The following ITGA8 variants were observed in gnomAD, a reference collection of about 807,000 sequenced individuals.
ITGA8 encodes the protein integrin subunit alpha 8, also known as integrin alpha-8.
In ITGA8, 91 loss-of-function variants were observed where a neutral mutation model predicts 142.3. The observed-to-expected ratio is 0.64, with a 90% confidence interval of 0.54 to 0.76. The LOEUF is 0.76. Among genes scored for constraint, ITGA8 ranks in the 30% least tolerant of loss-of-function variants. The pLI is 0.00. For missense variants in ITGA8, 1,406 were observed against 1,327.7 expected, an observed-to-expected ratio of 1.06 and a Z score of -0.92; for synonymous variants, 505 against 485.2, an observed-to-expected ratio of 1.04 and a Z score of -0.54.
intron 25 of ITGA8, among the ~76,000 whole-genome samples, chr10:15,563,918 C>CA (rs928341834): frequency 0.022 from 2,067 of 95,946 alleles, 23 homozygotes; most frequent in African/African-American, 0.058. Flanking sequence ...AGGCTGTCTC[C>CA]AAAAAAAAAA....
At chr10:15,606,188 A>G in intron 18 of ITGA8, 97 bp downstream of exon 18, 3 of 1,061,164 alleles carry the variant, frequency 2.8e-6, no homozygotes, top group South Asian at 3.9e-5. Flanking sequence ...ATGCAGAAGT[A>G]AAAATGAAAG....
At chr10:15,607,943 T>C in intron 16 of ITGA8, 112 bp from the exon 17 acceptor site, 2 of 901,738 alleles carry the variant, frequency 2.2e-6, no homozygotes, top group African/African-American at 3.3e-5. Flanking sequence ...TTTTTCATAG[T>C]TGAGACCAAG....
At chr10:15,546,666 T>C (rs1300851220) in intron 27 of ITGA8, among the ~76,000 whole-genome samples, 1 of 147,308 alleles carries the variant, frequency 6.8e-6, no homozygotes, top group African/African-American at 2.6e-5. Flanking sequence ...TGAGAAACTC[T>C]GCCTTAGGAG....
chr10:15,687,607 T>C (rs1162207388), intron 3 of ITGA8, among the ~76,000 whole-genome samples: 1 of 152,224 alleles, frequency 6.6e-6, no homozygotes, highest in Non-Finnish European at 1.5e-5. Flanking sequence ...CCCATTTTTC[T>C]GGTCAGATTT....
intron 8 of ITGA8, among the ~76,000 whole-genome samples, chr10:15,668,615 GGA>G: frequency 6.6e-6 from 1 of 151,820 alleles, no homozygotes; most frequent in South Asian, 2.1e-4. Flanking sequence ...TTCCTAGCCT[GGA>G]TGGTCTTTAC....
chr10:15,601,755 T>C (rs1458646843), intron 20 of ITGA8, among the ~76,000 whole-genome samples: 1 of 152,174 alleles, frequency 6.6e-6, no homozygotes, highest in Non-Finnish European at 1.5e-5. Flanking sequence ...AAAAGACGAA[T>C]GTTTTCAACA....
At chr10:15,532,433 A>G (rs1833326793) in intron 27 of ITGA8, among the ~76,000 whole-genome samples, 1 of 148,440 alleles carries the variant, frequency 6.7e-6, no homozygotes, top group Admixed American at 6.7e-5. Flanking sequence ...AAAAAAAAAA[A>G]AAAAAAAAAA....
At chr10:15,668,115 G>A (rs1212786864) in intron 8 of ITGA8, among the ~76,000 whole-genome samples, 1 of 152,104 alleles carries the variant, frequency 6.6e-6, no homozygotes, top group Non-Finnish European at 1.5e-5. Context: ...TGTTGACAGG[G>A]GGGTGTTAAA....
intron 26 of ITGA8, among the ~76,000 whole-genome samples, chr10:15,551,391 T>C (rs1429474927): frequency 1.3e-5 from 2 of 151,686 alleles, no homozygotes. Flanking sequence ...CAGGAGGGGA[T>C]GTTTTCGGGG....
At chr10:15,615,303 G>A (rs1157234504) in intron 14 of ITGA8, among the ~76,000 whole-genome samples, 1 of 152,158 alleles carries the variant, frequency 6.6e-6, no homozygotes, top group Non-Finnish European at 1.5e-5. Context: ...AACCTTAAGT[G>A]GGATATGGCT....
Position 15,713,777 on chromosome 10 carries a change from G to A in ITGA8, c.343+4989C>T, listed in dbSNP as rs746875429. Reference sequence around the variant, plus strand: ...CCAAAACAAAGGCTTCCGGTCTCCCGCAATTCCAACAAAAACCTTGTCATC... The same window carrying A: ...CCAAAACAAAGGCTTCCGGTCTCCCACAATTCCAACAAAAACCTTGTCATC... On this transcript the variant is annotated intron_variant, in intron 2 of 29. Coordinates refer to ENST00000378076, the MANE Select transcript of ITGA8 (RefSeq NM_003638.3). 3.3e-5 allele frequency among the ~76,000 whole-genome samples: 5 copies of A among 152,182 alleles called. No individual in the cohort carries two copies. In the East Asian group the frequency reaches 5.8e-4, roughly 18 times the overall value.
intron 9 of ITGA8, among the ~76,000 whole-genome samples, chr10:15,660,298 T>C (rs551123373): frequency 1.2e-4 from 18 of 152,182 alleles, no homozygotes; most frequent in Non-Finnish European, 2.1e-4. Context: ...TTTTTAATAA[T>C]TTATGAACAA....
chr10:15,517,017 T>TCTCGG lies in ITGA8; in HGVS notation c.*140_*141insCCGAG. 1.8e-6 allele frequency: 1 copy of TCTCGG among 560,654 alleles called. No homozygotes were observed. Among genetic ancestry groups the TCTCGG allele is most frequent in the East Asian group, 3.3e-5 (1 of 30,622 alleles). 34.7% of individuals were successfully genotyped at this position (560,654 alleles called of 1,614,324 possible). A position where few individuals can be genotyped will look rare whatever the true frequency, so the allele number is the denominator to read the frequency against. ...CAATTTCTCCAAAGTGCGGTGTAGA[T>TCTCGG]GAGGTGATGTTTCCAGGGTCCCCTC... On this transcript the variant is annotated 3_prime_UTR_variant, in exon 30 of 30. Coordinates refer to ENST00000378076, the MANE Select transcript of ITGA8 (RefSeq NM_003638.3).
chr10:15,550,824 T>G (rs1833781434), intron 26 of ITGA8, among the ~76,000 whole-genome samples: 1 of 150,284 alleles, frequency 6.7e-6, no homozygotes, highest in Non-Finnish European at 1.5e-5. Flanking sequence ...TTTAGAGGGA[T>G]GGGTAATATG....
rs537132428 is a variant in ITGA8, at chr10:15,593,911, A to G, written c.2212-1607T>C. ...GGTTGAAGTACAGTGGCACAATCTC[A>G]GCTCACTGCAACCTCCACCTCCCAG... On this transcript the variant is annotated intron_variant, in intron 21 of 29. Transcript: ENST00000378076. Among the ~76,000 whole-genome samples the G allele has an allele frequency of 4.0e-5, 6 of 148,626 alleles. No individual in the cohort carries two copies. The South Asian group carries it at 1.1e-3, about 26-fold the overall frequency.
chr10:15,697,926 A>G (rs1481038743), intron 2 of ITGA8, among the ~76,000 whole-genome samples: 2 of 152,116 alleles, frequency 1.3e-5, no homozygotes, highest in African/African-American at 4.8e-5. Flanking sequence ...TTTTATTTCA[A>G]TAGGTTTTAG....
rs1564339152 is a variant in ITGA8 at position 15,532,437 on chromosome 10, A to AAAGAAAAAG, written c.2881-1287_2881-1286insCTTTTTCTT. 7.3e-5 allele frequency among the ~76,000 whole-genome samples: 11 copies of AAAGAAAAAG among 149,748 alleles called. 1 individual carries two copies. The highest frequency in any genetic ancestry group is 2.7e-4 in the African/African-American group (11 of 40,770). ...CCCTCTCAAAAAAAAAAAAAAAAAAAAAAAAAAAAGCCTCTAGTTACAGCC... is the reference window on the plus strand; with the variant it reads ...CCCTCTCAAAAAAAAAAAAAAAAAAAAAGAAAAAGAAAAAAAAAGCCTCTAGTTACAGCC... On this transcript the variant is annotated intron_variant, in intron 27 of 29. Coordinates refer to ENST00000378076, the MANE Select transcript of ITGA8 (RefSeq NM_003638.3).
At chr10:15,538,606 A>G (rs1833503352) in intron 27 of ITGA8, among the ~76,000 whole-genome samples, 1 of 151,826 alleles carries the variant, frequency 6.6e-6, no homozygotes, top group Admixed American at 6.6e-5. Flanking sequence ...TGAAAAGGCC[A>G]GTGAACATTG....
intron 13 of ITGA8, among the ~76,000 whole-genome samples, chr10:15,634,330 C>T (rs1278886547): frequency 6.6e-6 from 1 of 151,914 alleles, no homozygotes; most frequent in Non-Finnish European, 1.5e-5. Flanking sequence ...TTAGTGGCTG[C>T]TACTAGATGC....
Sources: gnomAD v4.1 joint callset for allele counts (sites outside exome capture counted in the v4.1 genomes callset) on GRCh38, gnomAD v4.1.1 for gene constraint, MANE v1.5 for transcripts, NCBI Gene and HGNC (gene_info 2026-07-23, HGNC 2026-07-21) for gene names.